Variants in ENTREP2 observed in about 807,000 individuals in gnomAD.
ENTREP2 encodes protein ENTREP2.
chr15:29,125,309 T>G, the ENTREP2 span, among the ~76,000 whole-genome samples: 3 of 152,218 alleles, frequency 2.0e-5, no homozygotes, highest in East Asian at 5.8e-4. Flanking sequence ...GGGGGGTGTT[T>G]CAGAAGGTTT....
chr15:29,574,550 C>T, the ENTREP2 span, among the ~76,000 whole-genome samples: 1 of 152,130 alleles, frequency 6.6e-6, no homozygotes, highest in African/African-American at 2.4e-5. Flanking sequence ...CCTTGGCCTC[C>T]CGAAGTACTG....
At chr15:29,398,724 A>AAAAAT in the ENTREP2 span, among the ~76,000 whole-genome samples, 2 of 152,226 alleles carry the variant, frequency 1.3e-5, no homozygotes, top group Admixed American at 1.3e-4. Context: ...ACTCCGTCTC[A>AAAAAT]AAAATAAAAT....
chr15:29,128,506 C>T, the ENTREP2 span, among the ~76,000 whole-genome samples: 1 of 152,114 alleles, frequency 6.6e-6, no homozygotes, highest in Non-Finnish European at 1.5e-5. Flanking sequence ...CCATATCCCT[C>T]AAGTGAGAAA....
the ENTREP2 span, among the ~76,000 whole-genome samples, chr15:29,670,964 G>A: frequency 2.6e-5 from 4 of 152,202 alleles, no homozygotes; most frequent in African/African-American, 9.6e-5. Flanking sequence ...GATGAGGGCT[G>A]GTCCCAGAAA....
chr15:29,183,192 G>C, the ENTREP2 span, among the ~76,000 whole-genome samples: 11 of 152,200 alleles, frequency 7.2e-5, no homozygotes, highest in Admixed American at 7.2e-4. Context: ...ATCGTGAGAA[G>C]ACTTTTATGA....
the ENTREP2 span, among the ~76,000 whole-genome samples, chr15:29,391,119 G>C: frequency 1.3e-5 from 2 of 151,882 alleles, no homozygotes; most frequent in African/African-American, 4.8e-5. Context: ...TTCTTTCTCT[G>C]AGTCTTGCTG....
At chr15:29,124,800 A>T in the ENTREP2 span, 9 of 1,518,030 alleles carry the variant, frequency 5.9e-6, no homozygotes. Context: ...CATGAAAGGA[A>T]AAAGGAATTC....
the ENTREP2 span, among the ~76,000 whole-genome samples, chr15:29,239,218 A>G: frequency 6.6e-6 from 1 of 152,056 alleles, no homozygotes; most frequent in Admixed American, 6.6e-5. Context: ...CAAGCTCATC[A>G]TGCCTCCTTC....
chr15:29,236,093 T>C, the ENTREP2 span, among the ~76,000 whole-genome samples: 1 of 152,106 alleles, frequency 6.6e-6, no homozygotes, highest in Non-Finnish European at 1.5e-5. Flanking sequence ...CAGGAGTTGG[T>C]ACTTTAATAA....
chr15:29,622,196 GTTTATTTTAT>G, the ENTREP2 span, among the ~76,000 whole-genome samples: 236 of 151,520 alleles, frequency 1.6e-3, 5 homozygotes, highest in East Asian at 0.037. Flanking sequence ...GGTTAAAATA[GTTTATTTTAT>G]TTTATTTTAT....
the ENTREP2 span, among the ~76,000 whole-genome samples, chr15:29,657,459 A>G: frequency 8.4e-5 from 8 of 95,294 alleles, no homozygotes; most frequent in Admixed American, 1.3e-3. Context: ...GACCCCTGCG[A>G]GTTGCCGCTG....
chr15:29,405,985 T>C, the ENTREP2 span, among the ~76,000 whole-genome samples: 1 of 152,220 alleles, frequency 6.6e-6, no homozygotes, highest in African/African-American at 2.4e-5. Context: ...AATGAAACCA[T>C]CTACATTCAC....
the ENTREP2 span, chr15:29,674,974 C>T: frequency 1.3e-5 from 2 of 153,476 alleles, no homozygotes; most frequent in African/African-American, 4.8e-5. Flanking sequence ...CTTCCCCTCT[C>T]CGCCACCCCG....
At chr15:29,235,100 TC>T in the ENTREP2 span, 1 of 1,069,494 alleles carries the variant, frequency 9.4e-7, no homozygotes, top group Non-Finnish European at 1.5e-6. Context: ...TTTCCTCATG[TC>T]CCACAACAGA....
At chr15:29,311,797 C>T in the ENTREP2 span, among the ~76,000 whole-genome samples, 1 of 152,140 alleles carries the variant, frequency 6.6e-6, no homozygotes, top group Non-Finnish European at 1.5e-5. Flanking sequence ...ATGAGCTAGG[C>T]CAAGACCTTG....
the ENTREP2 span, among the ~76,000 whole-genome samples, chr15:29,398,283 A>G: frequency 1.3e-5 from 2 of 151,986 alleles, no homozygotes; most frequent in East Asian, 3.9e-4. Context: ...TCAGCAGTAC[A>G]TTTAAAAGAA....
At chr15:29,443,380 G>A in the ENTREP2 span, among the ~76,000 whole-genome samples, 13 of 152,274 alleles carry the variant, frequency 8.5e-5, no homozygotes, top group East Asian at 1.9e-4. Flanking sequence ...GATGCCCGGC[G>A]TTCCAAAACA....
At chr15:29,435,083 C>G in the ENTREP2 span, among the ~76,000 whole-genome samples, 5 of 152,226 alleles carry the variant, frequency 3.3e-5, no homozygotes, top group Admixed American at 1.3e-4. Flanking sequence ...CCCATTTTCC[C>G]CTCTTCCCTA....
chr15:29,300,139 AAATGGATGGAT>A, the ENTREP2 span, among the ~76,000 whole-genome samples: 11 of 138,784 alleles, frequency 7.9e-5, no homozygotes, highest in East Asian at 2.0e-3. Flanking sequence ...GTAGGTGAGT[AAATGGATGGAT>A]AATGGATGGA....
Sources: allele counts gnomAD v4.1 joint callset (sites outside exome capture counted in the v4.1 genomes callset), GRCh38; gene constraint gnomAD v4.1.1; transcripts MANE v1.5; gene names NCBI Gene and HGNC (gene_info 2026-07-23, HGNC 2026-07-21).